The following ADGRL2 variants were observed in gnomAD, a reference collection of about 807,000 sequenced individuals.
The protein encoded by ADGRL2 is adhesion G protein-coupled receptor L2.
A neutral mutation model predicts 157.4 loss-of-function variants in ADGRL2; 44 were observed. That is an observed-to-expected ratio of 0.28 (90% CI 0.22 to 0.36). The LOEUF is 0.36. ADGRL2 is among the 10% of genes least tolerant of loss of function. The pLI is 1.00. For synonymous variants in ADGRL2, 585 were observed against 624.7 expected, an observed-to-expected ratio of 0.94 and a Z score of 0.95; for missense variants, 1,510 against 1,768.9, an observed-to-expected ratio of 0.85 and a Z score of 2.63.
intron 1 of ADGRL2, among the ~76,000 whole-genome samples, chr1:81,807,400 T>C (rs2089298984): frequency 6.6e-6 from 1 of 151,976 alleles, no homozygotes; most frequent in Non-Finnish European, 1.5e-5. Flanking sequence ...TGATTGAAGG[T>C]TGAAAGGTTG....
intron 21 of ADGRL2, among the ~76,000 whole-genome samples, chr1:81,985,611 C>G (rs112453009): frequency 6.6e-6 from 1 of 151,882 alleles, no homozygotes; most frequent in Non-Finnish European, 1.5e-5. Context: ...TTACTATTCA[C>G]ATGAAACAGT....
chr1:81,726,675 T>G (rs1400613107), intron 1 of ADGRL2, among the ~76,000 whole-genome samples: 1 of 152,166 alleles, frequency 6.6e-6, no homozygotes, highest in African/African-American at 2.4e-5. Context: ...GTAGCACATG[T>G]TCACTATACG....
At chr1:81,343,018 T>A (rs1239499046) in intron 1 of ADGRL2, among the ~76,000 whole-genome samples, 1 of 152,026 alleles carries the variant, frequency 6.6e-6, no homozygotes, top group Non-Finnish European at 1.5e-5. Context: ...GTAAAGAATA[T>A]AATAAATTCA....
chr1:81,552,019 T>C (rs753386818), intron 2 of ADGRL2, among the ~76,000 whole-genome samples: 1 of 152,204 alleles, frequency 6.6e-6, no homozygotes, highest in Non-Finnish European at 1.5e-5. Flanking sequence ...CTTGGCCTAT[T>C]TTATTTGAAT....
chr1:81,386,924 C>T (rs140321521), intron 1 of ADGRL2, among the ~76,000 whole-genome samples: 5 of 152,236 alleles, frequency 3.3e-5, no homozygotes, highest in African/African-American at 7.2e-5. Context: ...TCCTCTTCTA[C>T]CCTTTGTCTA....
At chr1:81,884,170 G>C (rs2094065962) in intron 2 of ADGRL2, among the ~76,000 whole-genome samples, 1 of 151,992 alleles carries the variant, frequency 6.6e-6, no homozygotes, top group African/African-American at 2.4e-5. Flanking sequence ...ACTTTTTGTA[G>C]AGACGGGGTT....
At chr1:81,919,633 T>C (rs1393816823) in intron 3 of ADGRL2, among the ~76,000 whole-genome samples, 2 of 152,192 alleles carry the variant, frequency 1.3e-5, no homozygotes, top group East Asian at 3.9e-4. Context: ...TTAATGATAT[T>C]TTATAATTCT....
At chr1:81,821,406 T>C (rs1214855321) in intron 1 of ADGRL2, among the ~76,000 whole-genome samples, 1 of 152,200 alleles carries the variant, frequency 6.6e-6, no homozygotes, top group African/African-American at 2.4e-5. Context: ...TTCCTTTCTT[T>C]AGTGGGTCAT....
chr1:81,574,456 C>T (rs144997709), intron 2 of ADGRL2, among the ~76,000 whole-genome samples: 1 of 152,130 alleles, frequency 6.6e-6, no homozygotes, highest in Non-Finnish European at 1.5e-5. Context: ...AAAATTTCCT[C>T]AGAAATGAAT....
intron 1 of ADGRL2, among the ~76,000 whole-genome samples, chr1:81,403,066 T>C (rs1426493572): frequency 1.3e-5 from 2 of 152,228 alleles, no homozygotes; most frequent in Non-Finnish European, 2.9e-5. Flanking sequence ...AACGGAAAGG[T>C]TCACTCAGTT....
intron 1 of ADGRL2, among the ~76,000 whole-genome samples, chr1:81,421,313 T>A (rs2077120422): frequency 6.6e-6 from 1 of 152,246 alleles, no homozygotes. Context: ...GTGAACATCA[T>A]AACTAGAGAT....
At chr1:81,877,914 A>G (rs1268702534) in intron 2 of ADGRL2, among the ~76,000 whole-genome samples, 1 of 152,140 alleles carries the variant, frequency 6.6e-6, no homozygotes, top group African/African-American at 2.4e-5. Flanking sequence ...AGCCAGTTAA[A>G]TCTTATTTGA....
chr1:81,457,063 C>A (rs1488908567), intron 2 of ADGRL2, among the ~76,000 whole-genome samples: 1 of 152,070 alleles, frequency 6.6e-6, no homozygotes, highest in Non-Finnish European at 1.5e-5. Context: ...TGAAGGCATC[C>A]CCCAATATGG....
At chr1:81,950,751 T>A (rs944371910) in intron 7 of ADGRL2, among the ~76,000 whole-genome samples, 2 of 152,164 alleles carry the variant, frequency 1.3e-5, no homozygotes, top group Non-Finnish European at 2.9e-5. Context: ...TACAGCTGCC[T>A]TTCTCATTAT....
At chr1:81,400,001 A>T (rs2076723542) in intron 1 of ADGRL2, among the ~76,000 whole-genome samples, 1 of 151,418 alleles carries the variant, frequency 6.6e-6, no homozygotes, top group South Asian at 2.2e-4. Context: ...AGGTGTAGTG[A>T]CTGTTTTTCC....
chr1:81,681,603 G>A (rs1443723344), intron 3 of ADGRL2, among the ~76,000 whole-genome samples: 1 of 152,156 alleles, frequency 6.6e-6, no homozygotes, highest in Non-Finnish European at 1.5e-5. Context: ...TTTACACAGA[G>A]CTTTCCAAAA....
intron 3 of ADGRL2, among the ~76,000 whole-genome samples, chr1:81,933,968 C>A (rs1186400165): frequency 6.6e-6 from 1 of 151,896 alleles, no homozygotes; most frequent in Admixed American, 6.6e-5. Context: ...CTTCTGATAT[C>A]TCTGTGTATA....
At chr1:81,825,871 C>T (rs2091434594) in intron 1 of ADGRL2, among the ~76,000 whole-genome samples, 1 of 151,976 alleles carries the variant, frequency 6.6e-6, no homozygotes, top group African/African-American at 2.4e-5. Flanking sequence ...AGGAAGATTA[C>T]TAGAGGCTGG....
At chr1:81,648,867 C>T (rs529400419) in intron 3 of ADGRL2, among the ~76,000 whole-genome samples, 1 of 152,264 alleles carries the variant, frequency 6.6e-6, no homozygotes, top group East Asian at 1.9e-4. Context: ...GCTCTGCACT[C>T]CCAGGGACTT....
Sources: allele counts gnomAD v4.1 joint callset (sites outside exome capture counted in the v4.1 genomes callset), GRCh38; gene constraint gnomAD v4.1.1; transcripts MANE v1.5; gene names NCBI Gene and HGNC (gene_info 2026-07-23, HGNC 2026-07-21).